ADD2: variants seen among roughly 807,000 people sequenced by gnomAD.
ADD2 encodes beta-adducin.
A neutral mutation model predicts 83.0 loss-of-function variants in ADD2; 23 were observed. The ratio of observed to expected loss-of-function variants is 0.28; its 90% CI spans 0.20 to 0.39. The LOEUF (loss-of-function observed/expected upper bound fraction) is 0.39, where lower values mean the gene tolerates loss of function less well. Ranked by LOEUF, ADD2 falls within the 10% of genes least tolerant of loss-of-function variation. The pLI, the probability that ADD2 is intolerant of heterozygous loss-of-function variation, is 1.00. For missense variants in ADD2, 758 were observed against 944.9 expected, an observed-to-expected ratio of 0.80 and a Z score of 2.59; for synonymous variants, 375 against 375.4, an observed-to-expected ratio of 1.00 and a Z score of 0.01.
At chr2:70,759,528 G>A (rs1160627906) in intron 1 of ADD2, among the ~76,000 whole-genome samples, 1 of 152,114 alleles carries the variant, frequency 6.6e-6, no homozygotes, top group Admixed American at 6.5e-5. Flanking sequence ...GGTCATGGTG[G>A]TGGATCCCTC....
intron 1 of ADD2, among the ~76,000 whole-genome samples, chr2:70,752,097 C>T (rs563636693): frequency 2.6e-5 from 4 of 152,284 alleles, no homozygotes; most frequent in African/African-American, 4.8e-5. Context: ...GTAACACACA[C>T]GCGCTTTGGA....
Position 70,673,263 on chromosome 2 carries a change from A to G in ADD2, c.1742-257T>C, listed in dbSNP as rs782310821. 5 of 1,614,040 alleles carry G rather than the reference A, an allele frequency of 3.1e-6. No individual in the cohort carries two copies. The South Asian group carries it at 5.5e-5, about 18-fold the overall frequency. Reference sequence around the variant, plus strand: ...TACCAATATGTTACTCCAGATGTGGAGGGCAACGCTGAAGAACTCGCACAC... The same window carrying G: ...TACCAATATGTTACTCCAGATGTGGGGGGCAACGCTGAAGAACTCGCACAC... On this transcript the variant is annotated intron_variant, in intron 14 of 15. Coordinates refer to ENST00000264436, the MANE Select transcript of ADD2 (RefSeq NM_001617.4).
rs114198747 is a variant in ADD2 at position 70,719,228 on chromosome 2, C to T, written c.-153-6044G>A. Among the ~76,000 whole-genome samples the T allele has an allele frequency of 4.2e-3, 641 of 152,348 alleles. 7 individuals carry two copies. Among genetic ancestry groups the T allele is most frequent in the Middle Eastern group, 0.024 (7 of 294 alleles). The stretch of plus-strand genomic sequence containing the variant: ...AGTGTGGGTACAGCCACCTATGAGA[C>T]TTGCTTCATCTGGACTCAATACAAT... On this transcript the variant is annotated intron_variant, in intron 1 of 15. Coordinates refer to ENST00000264436, the MANE Select transcript of ADD2 (RefSeq NM_001617.4).
chr2:70,696,445 C>T, intron 4 of ADD2, 49 bp from the exon 5 acceptor site: 1 of 1,608,018 alleles, frequency 6.2e-7, no homozygotes, highest in Non-Finnish European at 8.5e-7. Flanking sequence ...TCTGCCCTCC[C>T]CTTCCTTGCT....
In ADD2 at chr2:70,657,587, T is replaced by C. The variant is rs1488796376; in HGVS notation, c.*5838A>G. On this transcript the variant is annotated 3_prime_UTR_variant, in exon 16 of 16. Transcript: ENST00000264436. Reference sequence around the variant, plus strand: ...GGTTCCCTGAAATATATTCCCATTTTATAATGTGTTTCAAGTGTGGCCACT... The same window carrying C: ...GGTTCCCTGAAATATATTCCCATTTCATAATGTGTTTCAAGTGTGGCCACT... 2 of 152,216 alleles carry C rather than the reference T, an allele frequency of 1.3e-5. No individual in the cohort carries two copies. The highest frequency in any genetic ancestry group is 4.8e-5 in the African/African-American group (2 of 41,432). 9.4% of individuals were successfully genotyped at this position (152,216 alleles called of 1,614,324 possible).
Position 70,657,172 on chromosome 2 carries a change from CAGAA to C in ADD2, c.*6249_*6252del, listed in dbSNP as rs1162767124. The C allele has an allele frequency of 3.3e-5, 5 of 152,052 alleles. No individual in the cohort carries two copies. Among genetic ancestry groups the C allele is most frequent in the African/African-American group, 1.2e-4 (5 of 41,392 alleles). The allele number at this position is 152,052 out of a possible 1,614,324, so 9.4% of individuals were successfully genotyped here. On this transcript the variant is annotated 3_prime_UTR_variant, in exon 16 of 16. Coordinates refer to ENST00000264436, the MANE Select transcript of ADD2 (RefSeq NM_001617.4). ...CTCAAGGGGGCCGGCATTTCAGTAG[CAGAA>C]AGAGTATTTACATGGAACCCCTATT...
intron 4 of ADD2, among the ~76,000 whole-genome samples, chr2:70,696,782 T>C (rs1553372802): frequency 6.6e-6 from 1 of 152,174 alleles, no homozygotes; most frequent in African/African-American, 2.4e-5. Context: ...AATGAAGAAG[T>C]TACTCGTCAT....
In ADD2 at chr2:70,748,348, T is replaced by C. The variant is rs1027188283; in HGVS notation, c.-154+19538A>G. Among the ~76,000 whole-genome samples, 5 of 152,086 alleles carry C rather than the reference T, an allele frequency of 3.3e-5. No homozygotes were observed. The East Asian group carries it at 5.8e-4, about 18-fold the overall frequency. ...TCTATTCTGTGTCTCTGTGTAGCTA[T>C]CATTGACATTATTATTCATCAAAGT... On this transcript the variant is annotated intron_variant, in intron 1 of 15. Coordinates refer to ENST00000264436, the MANE Select transcript of ADD2 (RefSeq NM_001617.4).
At chr2:70,694,854 G>A (rs1018555518) in intron 6 of ADD2, among the ~76,000 whole-genome samples, 1 of 151,616 alleles carries the variant, frequency 6.6e-6, no homozygotes, top group Admixed American at 6.6e-5. Flanking sequence ...TGATTACCTC[G>A]CCTCTCTCCT....
chr2:70,735,171 T>C (rs1429031946), intron 1 of ADD2, among the ~76,000 whole-genome samples: 2 of 152,128 alleles, frequency 1.3e-5, no homozygotes, highest in African/African-American at 4.8e-5. Context: ...TGATTGTTTT[T>C]TTGTCAGCAC....
intron 1 of ADD2, among the ~76,000 whole-genome samples, chr2:70,725,299 C>G (rs1672931276): frequency 6.6e-6 from 1 of 152,148 alleles, no homozygotes; most frequent in South Asian, 2.1e-4. Flanking sequence ...CTAGGCTGGA[C>G]TAGCTGAAGA....
At chr2:70,738,158 A>G (rs1673685151) in intron 1 of ADD2, among the ~76,000 whole-genome samples, 1 of 152,216 alleles carries the variant, frequency 6.6e-6, no homozygotes, top group South Asian at 2.1e-4. Flanking sequence ...CAAAAATCCA[A>G]TAAGGGAAGA....
In ADD2 at chr2:70,695,746, C is replaced by T; in HGVS notation, c.530G>A (p.Cys177Tyr). 2.5e-6 allele frequency: 4 copies of T among 1,614,152 alleles called. No homozygotes were observed. The highest frequency in any genetic ancestry group is 3.4e-6 in the Non-Finnish European group (4 of 1,180,030). The change falls in exon 6 of 16, where the codon TGC (cysteine) becomes TAC (tyrosine). Residue 177 changes from cysteine (C) to tyrosine (Y), a missense_variant. Physicochemically the swap from Cys to Tyr is radical, Grantham distance 194 (BLOSUM62 -2). This residue lies in a region of ADD2 where 394 missense variants were observed against 509.3 expected (regional missense o/e 0.77). Transcript: ENST00000264436. ...HFLISPKGVS[C>Y]SEVTASSLIK... is the part of the protein sequence containing the mutation. ...CAGGCTGGACGCTGTGACTTCACTG[C>T]AAGAAACTCCCTTAGGGCTGATCAG...
At chr2:70,728,661 A>G (rs1225460140) in intron 1 of ADD2, among the ~76,000 whole-genome samples, 2 of 152,232 alleles carry the variant, frequency 1.3e-5, no homozygotes, top group African/African-American at 4.8e-5. Flanking sequence ...GATGGGATAT[A>G]TACTTTTTGC....
At chr2:70,731,836 A>G (rs372564917) in intron 1 of ADD2, among the ~76,000 whole-genome samples, 4 of 152,182 alleles carry the variant, frequency 2.6e-5, no homozygotes, top group African/African-American at 9.7e-5. Context: ...GCCAGCCCAT[A>G]TGTGTCATGT....
intron 1 of ADD2, among the ~76,000 whole-genome samples, chr2:70,723,933 C>T (rs2129): frequency 0.51 from 78,200 of 152,098 alleles, 21,297 homozygotes; most frequent in African/African-American, 0.68. Flanking sequence ...CCTCTCACCA[C>T]TTAGAAAAGG....
chr2:70,725,593 G>A (rs961136556), intron 1 of ADD2, among the ~76,000 whole-genome samples: 28 of 152,016 alleles, frequency 1.8e-4, no homozygotes, highest in Non-Finnish European at 1.6e-4. Flanking sequence ...ACAGGAGATG[G>A]CCCTGTGAAG....
rs957087007 is a variant in ADD2 at position 70,686,202 on chromosome 2, C to T, written c.948+1822G>A. Among the ~76,000 whole-genome samples, 3 of 152,210 alleles carry T rather than the reference C, an allele frequency of 2.0e-5. No individual in the cohort carries two copies. In the East Asian group the frequency reaches 5.8e-4, roughly 29 times the overall value. ...AGGCTCTTTCATGCCCTGATCCACC[C>T]ACACCTCCTCTAGGCTTTCCTGCTT... On this transcript the variant is annotated intron_variant, in intron 9 of 15. Coordinates refer to ENST00000264436, the MANE Select transcript of ADD2 (RefSeq NM_001617.4).
chr2:70,679,074 C>A, intron 10 of ADD2, 113 bp from the exon 11 acceptor site: 1 of 1,265,598 alleles, frequency 7.9e-7, no homozygotes, highest in Non-Finnish European at 1.1e-6. Flanking sequence ...TCATGTAAAC[C>A]CAAATCTCCA....
Sources: allele counts gnomAD v4.1 joint callset (sites outside exome capture counted in the v4.1 genomes callset), GRCh38; gene constraint gnomAD v4.1.1; regional missense constraint gnomAD v4.1.1; transcripts MANE v1.5; gene names NCBI Gene and HGNC (gene_info 2026-07-23, HGNC 2026-07-21).